THSD4: variants seen among roughly 807,000 people sequenced by gnomAD.
The protein encoded by THSD4 is thrombospondin type-1 domain-containing protein 4.
THSD4 carries 69 observed loss-of-function variants against 119.0 expected under a neutral mutation model. That is an observed-to-expected ratio of 0.58 (90% CI 0.48 to 0.71). The LOEUF is 0.71. Ranked by LOEUF, THSD4 falls within the 30% of genes least tolerant of loss-of-function variation. The pLI is 0.00. For missense variants in THSD4, 1,393 were observed against 1,391.1 expected, an observed-to-expected ratio of 1.00 and a Z score of -0.02; for synonymous variants, 524 against 540.4, an observed-to-expected ratio of 0.97 and a Z score of 0.42.
intron 6 of THSD4, among the ~76,000 whole-genome samples, chr15:71,313,514 GAC>G (rs1567192063): frequency 6.6e-6 from 1 of 152,140 alleles, no homozygotes; most frequent in Non-Finnish European, 1.5e-5. Flanking sequence ...AGAGCATTAG[GAC>G]ACACAGCTAA....
chr15:71,688,433 C>T (rs1015225398), intron 8 of THSD4, among the ~76,000 whole-genome samples: 1 of 152,110 alleles, frequency 6.6e-6, no homozygotes, highest in Admixed American at 6.5e-5. Context: ...TAAGAGACTC[C>T]GTATTCCATT....
intron 7 of THSD4, 41 bp downstream of exon 7, chr15:71,411,864 A>T: frequency 6.2e-7 from 1 of 1,610,112 alleles, no homozygotes; most frequent in Non-Finnish European, 8.5e-7. Flanking sequence ...AAGGTGTTTG[A>T]TCTGTGACTG....
At chr15:71,327,335 G>C (rs904887314) in intron 6 of THSD4, among the ~76,000 whole-genome samples, 1 of 152,098 alleles carries the variant, frequency 6.6e-6, no homozygotes. Context: ...AACAGCTCCT[G>C]TCAGCTAAAC....
intron 7 of THSD4, among the ~76,000 whole-genome samples, chr15:71,440,997 G>A (rs1426334146): frequency 6.6e-6 from 1 of 152,138 alleles, no homozygotes; most frequent in Non-Finnish European, 1.5e-5. Flanking sequence ...CAGACCAGGA[G>A]TGTGTATAAA....
intron 16 of THSD4, among the ~76,000 whole-genome samples, chr15:71,770,379 G>T (rs1340050702): frequency 6.7e-6 from 1 of 149,520 alleles, no homozygotes; most frequent in Non-Finnish European, 1.5e-5. Flanking sequence ...TCTTGGCTGG[G>T]TGCAGTGGCT....
chr15:71,294,567 C>T (rs1260400487), intron 6 of THSD4, among the ~76,000 whole-genome samples: 3 of 152,136 alleles, frequency 2.0e-5, no homozygotes, highest in African/African-American at 7.2e-5. Flanking sequence ...ACACAGGCTG[C>T]ATGTCTCTGT....
At chr15:71,282,992 C>T (rs1274042115) in intron 6 of THSD4, among the ~76,000 whole-genome samples, 36 of 123,884 alleles carry the variant, frequency 2.9e-4, no homozygotes, top group African/African-American at 8.7e-4. Context: ...TTTTTTGAGA[C>T]GGAGTTTTGC....
intron 7 of THSD4, among the ~76,000 whole-genome samples, chr15:71,424,461 G>T (rs187537906): frequency 1.3e-5 from 2 of 152,048 alleles, no homozygotes; most frequent in Non-Finnish European, 2.9e-5. Flanking sequence ...ATATTGAAAG[G>T]CCTCGAAGGG....
At chr15:71,127,455 G>A (rs957154143) in intron 1 of THSD4, among the ~76,000 whole-genome samples, 2 of 152,134 alleles carry the variant, frequency 1.3e-5, no homozygotes, top group African/African-American at 4.8e-5. Context: ...AGATCATATG[G>A]TAATTCTATT....
chr15:71,484,313 C>T (rs1321593550), intron 7 of THSD4, among the ~76,000 whole-genome samples: 10 of 152,174 alleles, frequency 6.6e-5, no homozygotes, highest in Admixed American at 6.5e-4. Flanking sequence ...TTAGAAGGGC[C>T]CACATGCTGC....
intron 4 of THSD4, among the ~76,000 whole-genome samples, chr15:71,234,708 G>C (rs944145263): frequency 6.6e-6 from 1 of 152,166 alleles, no homozygotes; most frequent in Admixed American, 6.5e-5. Flanking sequence ...CCAGACTTTG[G>C]CTCTTGACGG....
chr15:71,232,386 G>A (rs923528080), intron 4 of THSD4, among the ~76,000 whole-genome samples: 5 of 152,182 alleles, frequency 3.3e-5, no homozygotes, highest in Non-Finnish European at 5.9e-5. Flanking sequence ...GTGCCTCTGT[G>A]TCAGACTCAG....
intron 7 of THSD4, among the ~76,000 whole-genome samples, chr15:71,614,279 TCG>T (rs2050284629): frequency 6.6e-6 from 1 of 152,218 alleles, no homozygotes; most frequent in Non-Finnish European, 1.5e-5. Context: ...CAGCCTGGAT[TCG>T]GCCACCATTA....
intron 7 of THSD4, among the ~76,000 whole-genome samples, chr15:71,546,595 C>T (rs1472253937): frequency 6.6e-6 from 1 of 152,162 alleles, no homozygotes; most frequent in Non-Finnish European, 1.5e-5. Context: ...TCCCATGTTA[C>T]CACCTATTTT....
intron 7 of THSD4, among the ~76,000 whole-genome samples, chr15:71,553,809 T>A (rs888518265): frequency 9.2e-5 from 14 of 152,240 alleles, no homozygotes; most frequent in African/African-American, 3.4e-4. Flanking sequence ...TTAATCTACT[T>A]ACATAGTGAA....
At chr15:71,478,001 G>C (rs1337429011) in intron 7 of THSD4, among the ~76,000 whole-genome samples, 1 of 152,206 alleles carries the variant, frequency 6.6e-6, no homozygotes, top group African/African-American at 2.4e-5. Context: ...AGGCTTGGAG[G>C]CTGCTGCAAG....
chr15:71,659,311 C>A (rs893018257), intron 7 of THSD4, among the ~76,000 whole-genome samples: 1 of 152,184 alleles, frequency 6.6e-6, no homozygotes, highest in Non-Finnish European at 1.5e-5. Context: ...GAACATGAGT[C>A]CCAATTTTAG....
rs114821890 is a variant in THSD4 at position 71,576,821 on chromosome 15, C to T, written c.1153-83709C>T. Among the ~76,000 whole-genome samples the T allele has an allele frequency of 7.4e-3, 1,124 of 152,152 alleles. 20 individuals carry two copies. Among genetic ancestry groups the T allele is most frequent in the African/African-American group, 0.024 (979 of 41,522 alleles). ...ATGTTACCTTTTTTGCCTTGGCTAC[C>T]AGTGGTCTCAAAGTCAGGTGTTGTA... On this transcript the variant is annotated intron_variant, in intron 7 of 17. Coordinates refer to ENST00000261862, the MANE Select transcript of THSD4 (RefSeq NM_024817.3).
chr15:71,344,188 G>A (rs916745946), intron 6 of THSD4, among the ~76,000 whole-genome samples: 8 of 152,000 alleles, frequency 5.3e-5, no homozygotes, highest in East Asian at 1.9e-4. Flanking sequence ...ACAGGTGCCC[G>A]CCACCACGCC....
Sources: allele counts gnomAD v4.1 joint callset (sites outside exome capture counted in the v4.1 genomes callset), GRCh38; gene constraint gnomAD v4.1.1; transcripts MANE v1.5; gene names NCBI Gene and HGNC (gene_info 2026-07-23, HGNC 2026-07-21).